CTNNA3: variants seen among roughly 807,000 people sequenced by gnomAD.
CTNNA3 encodes catenin alpha 3.
A neutral mutation model predicts 95.7 loss-of-function variants in CTNNA3; 76 were observed. The ratio of observed to expected loss-of-function variants is 0.79; its 90% CI spans 0.66 to 0.96. CTNNA3 has a LOEUF of 0.96. Among genes scored for constraint, CTNNA3 ranks in the 40% least tolerant of loss-of-function variants. The pLI is 0.00. For missense variants in CTNNA3, 1,191 were observed against 1,089.8 expected (o/e 1.09, Z -1.31); for synonymous variants, 431 against 374.4 (o/e 1.15, Z -1.74).
intron 5 of CTNNA3, among the ~76,000 whole-genome samples, chr10:67,393,474 T>G (rs573891718): frequency 6.6e-6 from 1 of 152,096 alleles, no homozygotes; most frequent in African/African-American, 2.4e-5. Context: ...TCAGCATACA[T>G]GTGTGGTGCC....
rs149319100 is a variant in CTNNA3, at chr10:67,401,542, G to A, written c.579+120300C>T. The stretch of plus-strand genomic sequence containing the variant: ...GAAAGGTACCTGGGGAAGGGGATTG[G>A]TCCAGTAAGGATATGGGTTATTTCC... On this transcript the variant is annotated intron_variant, in intron 5 of 17. Transcript: ENST00000433211. Among the ~76,000 whole-genome samples the A allele has an allele frequency of 5.5e-3, 835 of 152,260 alleles. 7 individuals are homozygous for A. Among genetic ancestry groups the A allele is most frequent in the African/African-American group, 0.019 (784 of 41,560 alleles).
intron 12 of CTNNA3, among the ~76,000 whole-genome samples, chr10:66,336,641 A>C (rs1014724787): frequency 6.6e-6 from 1 of 152,046 alleles, no homozygotes; most frequent in African/African-American, 2.4e-5. Flanking sequence ...TATTTTTATA[A>C]TTTGATTATG....
intron 17 of CTNNA3, among the ~76,000 whole-genome samples, chr10:65,965,691 G>A (rs977212484): frequency 2.0e-5 from 3 of 152,054 alleles, no homozygotes; most frequent in Admixed American, 6.6e-5. Context: ...CACCGCAACT[G>A]GCTCCTGCCC....
At chr10:66,504,193 C>G (rs1367783832) in intron 11 of CTNNA3, among the ~76,000 whole-genome samples, 1 of 152,162 alleles carries the variant, frequency 6.6e-6, no homozygotes, top group African/African-American at 2.4e-5. Flanking sequence ...CTTTAACCAA[C>G]ATCTCCCCAG....
chr10:66,127,325 A>G lies in CTNNA3; in HGVS notation c.1885-24076T>C, dbSNP rs117694847. On this transcript the variant is annotated intron_variant, in intron 13 of 17. Transcript: ENST00000433211. ...TAAACTTTATAGTGTAGATACTACAACCTCAGCCAGGTCATCAATGTCAAC... is the reference window on the plus strand; with the variant it reads ...TAAACTTTATAGTGTAGATACTACAGCCTCAGCCAGGTCATCAATGTCAAC... 7.8e-4 allele frequency among the ~76,000 whole-genome samples: 118 copies of G among 151,506 alleles called. 2 individuals are homozygous for G. The East Asian group carries it at 0.017, about 21-fold the overall frequency.
chr10:65,958,804 C>A (rs980086863), intron 17 of CTNNA3, among the ~76,000 whole-genome samples: 1 of 152,196 alleles, frequency 6.6e-6, no homozygotes. Flanking sequence ...TCAGCCCCTA[C>A]TGGGAGGTGT....
At chr10:67,105,552 T>C (rs1400170228) in intron 7 of CTNNA3, among the ~76,000 whole-genome samples, 7 of 152,138 alleles carry the variant, frequency 4.6e-5, no homozygotes, top group African/African-American at 1.4e-4. Context: ...ACATCAATGA[T>C]ATATTTGCTT....
chr10:67,203,624 A>G (rs574481545), intron 6 of CTNNA3, among the ~76,000 whole-genome samples: 3 of 151,996 alleles, frequency 2.0e-5, no homozygotes, highest in South Asian at 4.2e-4. Flanking sequence ...ACTCCTTTAC[A>G]TTGGGTTTTT....
intron 13 of CTNNA3, among the ~76,000 whole-genome samples, chr10:66,202,890 G>GCC (rs2087522263): frequency 6.6e-6 from 1 of 152,132 alleles, no homozygotes; most frequent in African/African-American, 2.4e-5. Flanking sequence ...TGTACTAAAT[G>GCC]TATATTAGTT....
At chr10:67,616,875 G>A (rs939422793) in intron 2 of CTNNA3, among the ~76,000 whole-genome samples, 2 of 152,096 alleles carry the variant, frequency 1.3e-5, no homozygotes, top group Non-Finnish European at 2.9e-5. Flanking sequence ...TTGCAAAGAC[G>A]TTTGGGGAAA....
chr10:66,205,156 A>G (rs2087678696), intron 13 of CTNNA3, among the ~76,000 whole-genome samples: 1 of 152,050 alleles, frequency 6.6e-6, no homozygotes, highest in African/African-American at 2.4e-5. Context: ...AGTTTTGAAC[A>G]TGAATATCTA....
At chr10:67,550,881 T>TA (rs200572614) in intron 3 of CTNNA3, among the ~76,000 whole-genome samples, 2,509 of 152,190 alleles carry the variant, frequency 0.016, 74 homozygotes, top group African/African-American at 0.055. Flanking sequence ...CCATGAAACT[T>TA]ACAGAAGAAT....
intron 2 of CTNNA3, among the ~76,000 whole-genome samples, chr10:67,622,836 T>C (rs1397007315): frequency 1.3e-5 from 2 of 152,226 alleles, no homozygotes; most frequent in African/African-American, 4.8e-5. Flanking sequence ...TGAATCATCT[T>C]AAACTTTAAA....
At chr10:67,525,785 A>C (rs1247503096) in intron 4 of CTNNA3, among the ~76,000 whole-genome samples, 1 of 152,216 alleles carries the variant, frequency 6.6e-6, no homozygotes, top group African/African-American at 2.4e-5. Flanking sequence ...CAGCCTACTA[A>C]TTCCCATAAT....
chr10:67,728,675 A>C (rs890501481), intron 1 of CTNNA3, among the ~76,000 whole-genome samples: 3 of 151,976 alleles, frequency 2.0e-5, no homozygotes, highest in African/African-American at 4.8e-5. Flanking sequence ...CCTACATTTC[A>C]TTAACATATG....
intron 12 of CTNNA3, among the ~76,000 whole-genome samples, chr10:66,367,418 T>G (rs534080727): frequency 4.0e-5 from 6 of 151,638 alleles, no homozygotes; most frequent in African/African-American, 1.4e-4. Flanking sequence ...AATCAATCAT[T>G]GACATGTTAT....
In CTNNA3 at chr10:66,927,456, C is replaced by T. The variant is rs1318425676; in HGVS notation, c.1048-151932G>A. 3 of 1,613,968 alleles carry T rather than the reference C, an allele frequency of 1.9e-6. No homozygotes were observed. The highest frequency in any genetic ancestry group is 2.5e-6 in the Non-Finnish European group (3 of 1,180,018). On this transcript the variant is annotated intron_variant, in intron 7 of 17. Transcript: ENST00000433211. The surrounding 1 kb of genome is among the most constrained non-coding windows in gnomAD (Gnocchi z 4.7). The stretch of plus-strand genomic sequence containing the variant: ...TCCCTGTGCGAATATTCCAAGACTG[C>T]CGCAACCTGGAACTTTTGGACCTGG...
intron 5 of CTNNA3, among the ~76,000 whole-genome samples, chr10:67,357,220 C>T (rs372193423): frequency 5.9e-5 from 9 of 152,192 alleles, no homozygotes; most frequent in African/African-American, 1.7e-4. Flanking sequence ...ATGCATTACT[C>T]TCTTCCTCTT....
In CTNNA3 at chr10:66,500,272, A is replaced by T. The variant is rs972330141; in HGVS notation, c.1531+20345T>A. ...TATTTAGTGAAATAGTGATAGTATA[A>T]ATATATATCATGCTTTAATAAAGTA... On this transcript the variant is annotated intron_variant, in intron 11 of 17. Coordinates refer to ENST00000433211, the MANE Select transcript of CTNNA3 (RefSeq NM_013266.4). Among the ~76,000 whole-genome samples the T allele has an allele frequency of 2.5e-4, 38 of 152,146 alleles. 1 individual carries two copies. The highest frequency in any genetic ancestry group is 5.9e-5 in the Non-Finnish European group (4 of 68,030).
Sources: allele counts gnomAD v4.1 joint callset (sites outside exome capture counted in the v4.1 genomes callset), GRCh38; gene constraint gnomAD v4.1.1; non-coding constraint Gnocchi (gnomAD v3.1); transcripts MANE v1.5; gene names NCBI Gene and HGNC (gene_info 2026-07-23, HGNC 2026-07-21).